Variants in OR9I1 observed in about 807,000 individuals in gnomAD.
The protein encoded by OR9I1 is olfactory receptor 9I1.
Under a neutral mutation model 11.2 loss-of-function variants are expected in OR9I1, and 7 were observed. The ratio of observed to expected loss-of-function variants is 0.62; its 90% CI spans 0.36 to 1.17. The LOEUF is 1.17. Among genes scored for constraint, OR9I1 ranks in the 50% most tolerant of loss-of-function variants. The pLI is 0.02. For synonymous variants in OR9I1, 165 were observed against 153.4 expected (o/e 1.08, Z -0.56); for missense variants, 428 against 377.2 (o/e 1.13, Z -1.12).
chr11:58,124,907 A>G (rs1382852881), intron 1 of OR9I1, among the ~76,000 whole-genome samples: 3 of 152,284 alleles, frequency 2.0e-5, no homozygotes, highest in East Asian at 3.9e-4. Context: ...TAATTCATAC[A>G]ATGATCCTAC....
chr11:58,119,155 C>G lies in OR9I1; in HGVS notation c.290G>C (p.Cys97Ser). 1 of 1,614,012 alleles carries G rather than the reference C, an allele frequency of 6.2e-7. No individual in the cohort carries two copies. Among genetic ancestry groups the G allele is most frequent in the African/African-American group, 1.3e-5 (1 of 75,046 alleles). The part of the protein sequence containing the change: ...TGKTVISYGH[C>S]AAQFFLFTIC... ...GGTGAATAAAAAGAACTGGGCAGCA[C>G]AGTGGCCGTAGGAGATGACCGTTTT... Residue 97 changes from cysteine to serine, a missense_variant, in exon 3 of 3, where the codon TGT (cysteine) becomes TCT (serine). By Grantham distance (112) the Cys-to-Ser change is moderately radical (BLOSUM62 -1). Coordinates refer to ENST00000641439, the MANE Select transcript of OR9I1 (RefSeq NM_001005211.2).
rs940664664 is a variant in OR9I1 at position 58,117,764 on chromosome 11, A to T, written c.*736T>A. 1 of 152,164 alleles carries T rather than the reference A, an allele frequency of 6.6e-6. No homozygotes were observed. The highest frequency in any genetic ancestry group is 1.9e-4 in the East Asian group (1 of 5,184). 9.4% of individuals were successfully genotyped at this position (152,164 alleles called of 1,614,324 possible). A position where few individuals can be genotyped will look rare whatever the true frequency, so the allele number is the denominator to read the frequency against. ...CAATGTACCATGGCCTTCAGAAATGAGAGAGCTTGAGGAGACATTCCCAAA... is the reference window on the plus strand; with the variant it reads ...CAATGTACCATGGCCTTCAGAAATGTGAGAGCTTGAGGAGACATTCCCAAA... On this transcript the variant is annotated 3_prime_UTR_variant, in exon 3 of 3. Coordinates refer to ENST00000641439, the MANE Select transcript of OR9I1 (RefSeq NM_001005211.2).
intron 2 of OR9I1, among the ~76,000 whole-genome samples, chr11:58,120,803 CATAT>C (rs61634454): frequency 0.23 from 30,315 of 132,600 alleles, 3,715 homozygotes; most frequent in Middle Eastern, 0.38. Flanking sequence ...ATTTCAATAC[CATAT>C]ATATATATAT....
At chr11:58,121,343 A>G (rs982910949) in intron 2 of OR9I1, among the ~76,000 whole-genome samples, 1 of 152,200 alleles carries the variant, frequency 6.6e-6, no homozygotes, top group African/African-American at 2.4e-5. Context: ...TAAAATGCCT[A>G]AAGCCTTCCT....
At position 58,117,392 on chromosome 11, in the gene OR9I1, G is replaced by A. The variant is rs1243700518; in HGVS notation, c.*1108C>T. ...CGAGTACTCTTTGACTCATGAGGAAGTACTTCCTTAATTGCAAAATGGGAA... is the reference window on the plus strand; with the variant it reads ...CGAGTACTCTTTGACTCATGAGGAAATACTTCCTTAATTGCAAAATGGGAA... On this transcript the variant is annotated 3_prime_UTR_variant, in exon 3 of 3. Transcript: ENST00000641439. 7.0e-6 allele frequency: 1 copy of A among 143,334 alleles called. No homozygotes were observed. Among genetic ancestry groups the A allele is most frequent in the Non-Finnish European group, 1.5e-5 (1 of 67,950 alleles). 8.9% of individuals were successfully genotyped at this position (143,334 alleles called of 1,614,324 possible). A position where few individuals can be genotyped will look rare whatever the true frequency, so the allele number is the denominator to read the frequency against.
chr11:58,117,089 A>G lies in OR9I1; in HGVS notation c.*1411T>C, dbSNP rs1316783986. 2 of 152,222 alleles carry G rather than the reference A, an allele frequency of 1.3e-5. No homozygotes were observed. Among genetic ancestry groups the G allele is most frequent in the Non-Finnish European group, 2.9e-5 (2 of 68,052 alleles). 9.4% of individuals were successfully genotyped at this position (152,222 alleles called of 1,614,324 possible). ...ATCTATTTTGCTTTTGTCAGTGGCC[A>G]TTAAATTCTAGCAAGGGTCCAGGGT... On this transcript the variant is annotated 3_prime_UTR_variant, in exon 3 of 3. Transcript: ENST00000641439.
Position 58,118,210 on chromosome 11 carries a change from A to G in OR9I1, c.*290T>C, listed in dbSNP as rs1428005079. ...AGAGTATTGGGTTGGAATGAAATAA[A>G]CTCAAGACTCCTGGGATCTGAGATT... On this transcript the variant is annotated 3_prime_UTR_variant, in exon 3 of 3. Transcript: ENST00000641439. 1 of 249,080 alleles carries G rather than the reference A, an allele frequency of 4.0e-6. No homozygotes were observed. The highest frequency in any genetic ancestry group is 2.2e-5 in the African/African-American group (1 of 44,802). 15.4% of individuals were successfully genotyped at this position (249,080 alleles called of 1,614,324 possible). A position where few individuals can be genotyped will look rare whatever the true frequency, so the allele number is the denominator to read the frequency against.
At chr11:58,120,827 T>TATATATATATATATATAC (rs1232813620) in intron 2 of OR9I1, among the ~76,000 whole-genome samples, 1 of 145,086 alleles carries the variant, frequency 6.9e-6, no homozygotes, top group Non-Finnish European at 1.5e-5. Flanking sequence ...TATATATATA[T>TATATATATATATATATAC]ACATATATTC....
rs116984156 is a variant in OR9I1, at chr11:58,125,265, C to T, written c.-225+9G>A. 3 of 113,280 alleles carry T rather than the reference C, an allele frequency of 2.6e-5. No homozygotes were observed. The highest frequency in any genetic ancestry group is 3.2e-4 in the South Asian group (1 of 3,090). 7.0% of individuals were successfully genotyped at this position (113,280 alleles called of 1,614,324 possible). A position where few individuals can be genotyped will look rare whatever the true frequency, so the allele number is the denominator to read the frequency against. On this transcript the variant is annotated intron_variant, in intron 1 of 2. Transcript: ENST00000641439. ...CCCCCCCCCCAAAAAAAAGCTGATC[C>T]AGTCTTACTTGTATATTTCACATAA...
chr11:58,124,917 C>CA (rs1462808357), intron 1 of OR9I1, among the ~76,000 whole-genome samples: 3 of 152,006 alleles, frequency 2.0e-5, no homozygotes, highest in Non-Finnish European at 2.9e-5. Context: ...AATGATCCTA[C>CA]AAAAAAGGTA....
In OR9I1 at chr11:58,124,605, T is replaced by C. The variant is rs906379402; in HGVS notation, c.-190A>G. 6.6e-6 allele frequency: 1 copy of C among 152,214 alleles called. No individual in the cohort carries two copies. The highest frequency in any genetic ancestry group is 2.4e-5 in the African/African-American group (1 of 41,454). The allele number at this position is 152,214 out of a possible 1,614,324, so 9.4% of individuals were successfully genotyped here. A position where few individuals can be genotyped will look rare whatever the true frequency, so the allele number is the denominator to read the frequency against. On this transcript the variant is annotated 5_prime_UTR_variant, in exon 2 of 3. Coordinates refer to ENST00000641439, the MANE Select transcript of OR9I1 (RefSeq NM_001005211.2). ...GAGCTCTTGCTCCAAGTCAGGTAGA[T>C]GCTAAGCACTTTAAAGGCTTTTATT...
At position 58,117,773 on chromosome 11, in the gene OR9I1, G is replaced by GA. The variant is rs1224659183; in HGVS notation, c.*726dup. 5.9e-5 allele frequency: 9 copies of GA among 152,136 alleles called. No homozygotes were observed. The highest frequency in any genetic ancestry group is 2.2e-4 in the African/African-American group (9 of 41,418). 9.4% of individuals were successfully genotyped at this position (152,136 alleles called of 1,614,324 possible). A position where few individuals can be genotyped will look rare whatever the true frequency, so the allele number is the denominator to read the frequency against. ...ATGGCCTTCAGAAATGAGAGAGCTT[G>GA]AGGAGACATTCCCAAAGGTAGGATG... is the stretch of plus-strand genomic sequence containing the variant. On this transcript the variant is annotated 3_prime_UTR_variant, in exon 3 of 3. Transcript: ENST00000641439.
At chr11:58,119,570 T>A in intron 2 of OR9I1, 104 bp from the exon 3 acceptor site, 1 of 641,066 alleles carries the variant, frequency 1.6e-6, no homozygotes, top group Non-Finnish European at 2.6e-6. Flanking sequence ...TTGTAGAGTT[T>A]GTTTTTAAGA....
chr11:58,120,418 A>G (rs1211537354), intron 2 of OR9I1, among the ~76,000 whole-genome samples: 1 of 152,104 alleles, frequency 6.6e-6, no homozygotes, highest in Non-Finnish European at 1.5e-5. Flanking sequence ...TTTTAAGGAA[A>G]AGAAAATTTA....
At chr11:58,123,078 C>T (rs1273756129) in intron 2 of OR9I1, among the ~76,000 whole-genome samples, 1 of 151,604 alleles carries the variant, frequency 6.6e-6, no homozygotes, top group African/African-American at 2.4e-5. Flanking sequence ...CTGAAAGCAG[C>T]CCTTTAAGCA....
chr11:58,123,123 T>C (rs531388688), intron 2 of OR9I1, among the ~76,000 whole-genome samples: 2 of 152,332 alleles, frequency 1.3e-5, no homozygotes, highest in South Asian at 4.1e-4. Context: ...ATGAGGAATT[T>C]AAATCTTTGG....
chr11:58,122,798 C>T (rs1854047471), intron 2 of OR9I1, among the ~76,000 whole-genome samples: 1 of 151,918 alleles, frequency 6.6e-6, no homozygotes, highest in Admixed American at 6.6e-5. Flanking sequence ...AATACATATC[C>T]TTCTATGTTT....
Position 58,118,411 on chromosome 11 carries a change from G to A in OR9I1, c.*89C>T. 2.5e-6 allele frequency: 2 copies of A among 812,970 alleles called. No homozygotes were observed. Among genetic ancestry groups the A allele is most frequent in the South Asian group, 3.6e-5 (2 of 55,902 alleles). The allele number at this position is 812,970 out of a possible 1,614,324, so 50.4% of individuals were successfully genotyped here. A position where few individuals can be genotyped will look rare whatever the true frequency, so the allele number is the denominator to read the frequency against. ...CTATCTTCTGTCTTCTCTGTTTGTG[G>A]GTATAGGTTGCATATAGTAATGGTG... is the stretch of plus-strand genomic sequence containing the variant. On this transcript the variant is annotated 3_prime_UTR_variant, in exon 3 of 3. Coordinates refer to ENST00000641439, the MANE Select transcript of OR9I1 (RefSeq NM_001005211.2).
intron 1 of OR9I1, 29 bp downstream of exon 1, chr11:58,125,245 C>T (rs944747653): frequency 8.1e-6 from 1 of 122,974 alleles, no homozygotes; most frequent in South Asian, 3.5e-4. Context: ...CACCGCCCCC[C>T]CCCCAAAAAA....
Sources: gnomAD v4.1 joint callset for allele counts (sites outside exome capture counted in the v4.1 genomes callset) on GRCh38, gnomAD v4.1.1 for gene constraint, MANE v1.5 for transcripts, NCBI Gene and HGNC (gene_info 2026-07-23, HGNC 2026-07-21) for gene names.